DDA1: variants seen among roughly 807,000 people sequenced by gnomAD.
DDA1 encodes the protein DET1 and DDB1 associated 1.
DDA1 carries 3 observed loss-of-function variants against 18.6 expected under a neutral mutation model. The ratio of observed to expected loss-of-function variants is 0.16; its 90% CI spans 0.07 to 0.42. The LOEUF (loss-of-function observed/expected upper bound fraction) is 0.42, where lower values mean the gene tolerates loss of function less well. Among genes scored for constraint, DDA1 ranks in the 10% least tolerant of loss-of-function variants. DDA1 has a pLI of 0.99. For synonymous variants in DDA1, 52 were observed against 54.0 expected (o/e 0.96, Z 0.17); for missense variants, 105 against 138.2 (o/e 0.76, Z 1.20).
chr19:17,318,780 C>G (rs527797766), intron 4 of DDA1, among the ~76,000 whole-genome samples: 1 of 151,894 alleles, frequency 6.6e-6, no homozygotes, highest in South Asian at 2.1e-4. Flanking sequence ...ATTCTTCTGC[C>G]TCAGCCTCCA....
rs2074235030 is a variant in DDA1, at chr19:17,320,518, C to T, written c.*862C>T. 1 of 152,386 alleles carries T rather than the reference C, an allele frequency of 6.6e-6. No homozygotes were observed. Among genetic ancestry groups the T allele is most frequent in the African/African-American group, 2.4e-5 (1 of 41,480 alleles). 9.4% of individuals were successfully genotyped at this position (152,386 alleles called of 1,614,324 possible). On this transcript the variant is annotated 3_prime_UTR_variant, in exon 5 of 5. Coordinates refer to ENST00000359866, the MANE Select transcript of DDA1 (RefSeq NM_024050.6). ...AGGTGACCCCAAGGACAGGTCATTC[C>T]TGAGAGACGGTCCATGGTGCCAAGG...
chr19:17,314,330 T>C lies in DDA1; in HGVS notation c.85-8T>C, dbSNP rs1436513515. On this transcript the variant is annotated splice_polypyrimidine_tract_variant and splice_region_variant and intron_variant, in intron 2 of 4. Coordinates refer to ENST00000359866, the MANE Select transcript of DDA1 (RefSeq NM_024050.6). The surrounding 1 kb of genome is among the most constrained non-coding windows in gnomAD (Gnocchi z 4.6). ...CTCCTAACCCACCCCTTCTCAACCC[T>C]CCTGCAGAACCGACGGCCCTCAGTC... 1 of 1,613,972 alleles carries C rather than the reference T, an allele frequency of 6.2e-7. No individual in the cohort carries two copies. Among genetic ancestry groups the C allele is most frequent in the African/African-American group, 1.3e-5 (1 of 74,900 alleles).
Position 17,317,857 on chromosome 19 carries a change from G to A in DDA1, c.199-1689G>A, listed in dbSNP as rs73511877. Among the ~76,000 whole-genome samples, 1,331 of 152,060 alleles carry A rather than the reference G, an allele frequency of 8.8e-3. 16 individuals carry two copies. Among genetic ancestry groups the A allele is most frequent in the African/African-American group, 0.03 (1,255 of 41,458 alleles). On this transcript the variant is annotated intron_variant, in intron 4 of 4. Transcript: ENST00000359866. Reference sequence around the variant, plus strand: ...CTGTCTCTAGAAAATAAAAATAAGAGGGTGTAGTTGCAGCGAAGAGTCATC... The same window carrying A: ...CTGTCTCTAGAAAATAAAAATAAGAAGGTGTAGTTGCAGCGAAGAGTCATC...
intron 1 of DDA1, among the ~76,000 whole-genome samples, chr19:17,311,840 G>C (rs971693): frequency 0.35 from 52,891 of 152,004 alleles, 10,820 homozygotes; most frequent in African/African-American, 0.56. Flanking sequence ...TGTCCAGTGC[G>C]TGTCTGCTGA....
chr19:17,309,660 G>A lies in DDA1; in HGVS notation c.3+3G>A. ...GGCGACGGAGGAAACAGAAGATGGTGAGGATGGCCTCCAGGCCCCCACTCC... is the reference window on the plus strand; with the variant it reads ...GGCGACGGAGGAAACAGAAGATGGTAAGGATGGCCTCCAGGCCCCCACTCC... On this transcript the variant is annotated splice_donor_region_variant and intron_variant, in intron 1 of 4. Coordinates refer to ENST00000359866, the MANE Select transcript of DDA1 (RefSeq NM_024050.6). 1 of 1,612,806 alleles carries A rather than the reference G, an allele frequency of 6.2e-7. No homozygotes were observed. The highest frequency in any genetic ancestry group is 2.2e-5 in the East Asian group (1 of 44,752).
intron 1 of DDA1, among the ~76,000 whole-genome samples, chr19:17,311,324 TTTTTGTA>T (rs2074177973): frequency 1.3e-5 from 2 of 152,022 alleles, no homozygotes; most frequent in African/African-American, 4.8e-5. Flanking sequence ...GCCCGGCTAA[TTTTTGTA>T]TTTCTAGTAG....
In DDA1 at chr19:17,318,141, C is replaced by T. The variant is rs539278624; in HGVS notation, c.199-1405C>T. 3.3e-5 allele frequency among the ~76,000 whole-genome samples: 5 copies of T among 152,266 alleles called. No individual in the cohort carries two copies. In the East Asian group the frequency reaches 7.7e-4, roughly 24 times the overall value. On this transcript the variant is annotated intron_variant, in intron 4 of 4. Transcript: ENST00000359866. Reference sequence around the variant, plus strand: ...GTAACCTCCTCCTCCCAGTCTCCACCTCCCAGGTTCAAGCAATTCTCCTGC... The same window carrying T: ...GTAACCTCCTCCTCCCAGTCTCCACTTCCCAGGTTCAAGCAATTCTCCTGC...
rs2074168320 is a variant in DDA1, at chr19:17,309,570, T to G, written c.-85T>G. 1.4e-6 allele frequency: 2 copies of G among 1,409,190 alleles called. No individual in the cohort carries two copies. Among genetic ancestry groups the G allele is most frequent in the Non-Finnish European group, 2.0e-6 (2 of 997,876 alleles). 87.3% of individuals were successfully genotyped at this position (1,409,190 alleles called of 1,614,324 possible). On this transcript the variant is annotated 5_prime_UTR_variant, in exon 1 of 5. Coordinates refer to ENST00000359866, the MANE Select transcript of DDA1 (RefSeq NM_024050.6). ...GGGCTGTGCCGTGGCTGGAAGTTAC[T>G]GTGAGGCGGCGGCTAAGAAGGCGGC...
At chr19:17,311,251 C>T (rs1396903947) in intron 1 of DDA1, among the ~76,000 whole-genome samples, 2 of 151,918 alleles carry the variant, frequency 1.3e-5, no homozygotes, top group South Asian at 2.1e-4. Context: ...CTGGAACCTC[C>T]GCCTCCTGGG....
rs2074229899 is a variant in DDA1 at position 17,319,605 on chromosome 19, T to TC, written c.262dup (p.Arg88ProfsTer72). ...AGCTGGAAGGCGAGAGCTCCGCACC[T>TC]CCCCGCAAGGTGGCGCGGACCGACA... is the stretch of plus-strand genomic sequence containing the variant. On this transcript the variant is annotated frameshift_variant, in exon 5 of 5. Transcript: ENST00000359866. LOFTEE classifies it high-confidence loss of function. 6.3e-7 allele frequency: 1 copy of TC among 1,580,684 alleles called. No individual in the cohort carries two copies. The highest frequency in any genetic ancestry group is 8.6e-7 in the Non-Finnish European group (1 of 1,163,566).
chr19:17,315,744 C>T (rs1031487858), intron 3 of DDA1, 190 bp from the exon 4 acceptor site: 10 of 664,672 alleles, frequency 1.5e-5, no homozygotes, highest in Non-Finnish European at 2.7e-5. Context: ...GAGCCGGGAC[C>T]CTGAAAGCAG....
chr19:17,319,938 G>A lies in DDA1; in HGVS notation c.*282G>A, dbSNP rs766815048. On this transcript the variant is annotated 3_prime_UTR_variant, in exon 5 of 5. Transcript: ENST00000359866. ...AAACAACATTGTCCCCCCGACCCCC[G>A]CCTTCCATCGGGCCAGTTCCCCGAT... The A allele has an allele frequency of 3.6e-4, 123 of 337,586 alleles. No individual in the cohort carries two copies. The highest frequency in any genetic ancestry group is 5.7e-4 in the Non-Finnish European group (104 of 182,130). The allele number at this position is 337,586 out of a possible 1,614,324, so 20.9% of individuals were successfully genotyped here. A position where few individuals can be genotyped will look rare whatever the true frequency, so the allele number is the denominator to read the frequency against.
intron 4 of DDA1, 69 bp downstream of exon 4, chr19:17,316,064 T>C: frequency 1.3e-6 from 2 of 1,544,868 alleles, no homozygotes; most frequent in South Asian, 2.2e-5. Flanking sequence ...CAGGGGCTTC[T>C]GAGCACAGGA....
At position 17,315,803 on chromosome 19, in the gene DDA1, C is replaced by T. The variant is rs552977025; in HGVS notation, c.137-131C>T. On this transcript the variant is annotated intron_variant, in intron 3 of 4. Coordinates refer to ENST00000359866, the MANE Select transcript of DDA1 (RefSeq NM_024050.6). ...CTGCGAGTGTGCTCAGAAGCAAAAACATGGGACTTTTGGAGATCTCTGGAG... is the reference window on the plus strand; with the variant it reads ...CTGCGAGTGTGCTCAGAAGCAAAAATATGGGACTTTTGGAGATCTCTGGAG... The T allele has an allele frequency of 7.2e-4, 627 of 873,946 alleles. 8 individuals are homozygous for T. In the South Asian group the frequency reaches 8.4e-3, roughly 12 times the overall value. 54.1% of individuals were successfully genotyped at this position (873,946 alleles called of 1,614,324 possible).
At chr19:17,316,960 C>T (rs558921636) in intron 4 of DDA1, among the ~76,000 whole-genome samples, 60 of 152,178 alleles carry the variant, frequency 3.9e-4, no homozygotes, top group Non-Finnish European at 8.2e-4. Flanking sequence ...GGCGTGGTGG[C>T]TCACACCTGT....
chr19:17,315,319 CTATA>C (rs1218418422), intron 3 of DDA1, among the ~76,000 whole-genome samples: 1 of 27,846 alleles, frequency 3.6e-5, no homozygotes, highest in East Asian at 3.4e-4. Flanking sequence ...TATATACACG[CTATA>C]TATATACACA....
Position 17,319,615 on chromosome 19 carries a change from G to A in DDA1, c.268G>A (p.Val90Met), listed in dbSNP as rs2074229950. The A allele has an allele frequency of 6.3e-7, 1 of 1,578,880 alleles. No individual in the cohort carries two copies. The highest frequency in any genetic ancestry group is 8.6e-7 in the Non-Finnish European group (1 of 1,162,480). Reference protein sequence around the residue: ...EGESSAPPRKVARTDSPDMHE... With the variant: ...EGESSAPPRKMARTDSPDMHE... ...CGAGAGCTCCGCACCTCCCCGCAAG[G>A]TGGCGCGGACCGACAGCCCAGACAT... Residue 90 changes from valine to methionine, a missense_variant, in exon 5 of 5, where the codon GTG becomes ATG. Transcript: ENST00000359866.
rs537367931 is a variant in DDA1 at position 17,315,819 on chromosome 19, A to G, written c.137-115A>G. Reference sequence around the variant, plus strand: ...AAGCAAAAACATGGGACTTTTGGAGATCTCTGGAGTTGGGGGTACTGAGTT... The same window carrying G: ...AAGCAAAAACATGGGACTTTTGGAGGTCTCTGGAGTTGGGGGTACTGAGTT... On this transcript the variant is annotated intron_variant, in intron 3 of 4. Transcript: ENST00000359866. 22 of 947,514 alleles carry G rather than the reference A, an allele frequency of 2.3e-5. No homozygotes were observed. In the African/African-American group the frequency reaches 3.1e-4, roughly 13 times the overall value. The allele number at this position is 947,514 out of a possible 1,614,324, so 58.7% of individuals were successfully genotyped here.
At position 17,314,506 on chromosome 19, in the gene DDA1, G is replaced by T; in HGVS notation, c.136+117G>T. 7.2e-7 allele frequency: 1 copy of T among 1,381,778 alleles called. No individual in the cohort carries two copies. Among genetic ancestry groups the T allele is most frequent in the South Asian group, 1.2e-5 (1 of 81,098 alleles). 85.6% of individuals were successfully genotyped at this position (1,381,778 alleles called of 1,614,324 possible). A position where few individuals can be genotyped will look rare whatever the true frequency, so the allele number is the denominator to read the frequency against. ...CGGCCCAGGCCATAGACTTGGCTTG[G>T]GTTCACACGCTGTCTACTGAATCCA... On this transcript the variant is annotated intron_variant, in intron 3 of 4. Coordinates refer to ENST00000359866, the MANE Select transcript of DDA1 (RefSeq NM_024050.6). This position sits in a 1 kb window ranked among gnomAD's most constrained non-coding sequence, Gnocchi z 4.6.
Sources: gnomAD v4.1 joint callset for allele counts (sites outside exome capture counted in the v4.1 genomes callset) on GRCh38, gnomAD v4.1.1 for gene constraint, Gnocchi (gnomAD v3.1) non-coding constraint, MANE v1.5 for transcripts, NCBI Gene and HGNC (gene_info 2026-07-23, HGNC 2026-07-21) for gene names.